Variants in SH3TC2 observed in about 807,000 individuals in gnomAD.
The protein encoded by SH3TC2 is SH3 domain and tetratricopeptide repeats 2, also known as SH3 domain and tetratricopeptide repeat-containing protein 2.
SH3TC2 carries 87 observed loss-of-function variants against 124.5 expected under a neutral mutation model. That is an observed-to-expected ratio of 0.70 (90% CI 0.59 to 0.84). SH3TC2 has a LOEUF of 0.84. Among genes scored for constraint, SH3TC2 ranks in the 40% least tolerant of loss-of-function variants. SH3TC2 has a pLI of 0.00. For missense variants in SH3TC2, 1,536 were observed against 1,566.4 expected, an observed-to-expected ratio of 0.98 and a Z score of 0.33; for synonymous variants, 634 against 628.5, an observed-to-expected ratio of 1.01 and a Z score of -0.13.
intron 12 of SH3TC2, among the ~76,000 whole-genome samples, chr5:149,014,511 C>G (rs1006677802): frequency 2.6e-5 from 4 of 152,214 alleles, no homozygotes; most frequent in African/African-American, 9.6e-5. Flanking sequence ...GGCCCGGATC[C>G]TTATTGGCAA....
chr5:149,049,746 G>A (rs577656770), intron 2 of SH3TC2, among the ~76,000 whole-genome samples: 1 of 151,278 alleles, frequency 6.6e-6, no homozygotes, highest in South Asian at 2.1e-4. Flanking sequence ...TCACACCACT[G>A]CACTCCAGCC....
In SH3TC2 at chr5:148,991,853, T is replaced by A. The variant is rs573227616; in HGVS notation, c.*12858A>T. Among the ~76,000 whole-genome samples the A allele has an allele frequency of 6.6e-5, 10 of 152,320 alleles. No individual in the cohort carries two copies. The highest frequency in any genetic ancestry group is 1.3e-4 in the Non-Finnish European group (9 of 68,022). Reference sequence around the variant, plus strand: ...TGGCAGATCATCACATGGGACTTTATCCATGGAGGTGAGCCTCCTCTTGCA... The same window carrying A: ...TGGCAGATCATCACATGGGACTTTAACCATGGAGGTGAGCCTCCTCTTGCA... On this transcript the variant is annotated 3_prime_UTR_variant, in exon 17 of 17. Coordinates refer to ENST00000515425, the MANE Select transcript of SH3TC2 (RefSeq NM_024577.4).
intron 12 of SH3TC2, among the ~76,000 whole-genome samples, chr5:149,014,623 T>C (rs1330239526): frequency 6.6e-6 from 1 of 152,188 alleles, no homozygotes; most frequent in African/African-American, 2.4e-5. Flanking sequence ...AACATGAGAT[T>C]TATTGACATC....
chr5:149,013,651 C>T (rs541664361), intron 12 of SH3TC2, among the ~76,000 whole-genome samples: 2 of 152,022 alleles, frequency 1.3e-5, no homozygotes, highest in African/African-American at 4.8e-5. Flanking sequence ...TAATGGGGTG[C>T]CCTTTAATTA....
At chr5:149,014,514 A>T (rs1283207610) in intron 12 of SH3TC2, among the ~76,000 whole-genome samples, 1 of 152,180 alleles carries the variant, frequency 6.6e-6, no homozygotes, top group African/African-American at 2.4e-5. Context: ...CCGGATCCTT[A>T]TTGGCAATGA....
Position 149,031,694 on chromosome 5 carries a change from C to T in SH3TC2, c.1002-7G>A, listed in dbSNP as rs752528409. 243 of 1,613,804 alleles carry T rather than the reference C, an allele frequency of 1.5e-4. No homozygotes were observed. Among genetic ancestry groups the T allele is most frequent in the South Asian group, 3.2e-4 (29 of 91,054 alleles). On this transcript the variant is annotated splice_region_variant and splice_polypyrimidine_tract_variant and intron_variant, in intron 8 of 16. Coordinates refer to ENST00000515425, the MANE Select transcript of SH3TC2 (RefSeq NM_024577.4). ...AAAGGCAGAGTTCCTGCTCCTGCAT[C>T]GGGGCAAAAAACACAGAGACAGATT...
In SH3TC2 at chr5:149,004,764, C is replaced by A; in HGVS notation, c.3814G>T (p.Gly1272Trp). 1 of 1,613,992 alleles carries A rather than the reference C, an allele frequency of 6.2e-7. No individual in the cohort carries two copies. Among genetic ancestry groups the A allele is most frequent in the Non-Finnish European group, 8.5e-7 (1 of 1,180,016 alleles). ...CACCGCGCCCTCTCTGAGGAGCACC[C>A]GGAGGGCCTGCTGTGCCACAGGGGG... ...QSPLWHSRPS[G>W]CSSERARWLS... is the part of the protein sequence containing the mutation. Residue 1272 changes from glycine (G) to tryptophan (W), a missense_variant, in exon 17 of 17, where the codon GGG becomes TGG. Transcript: ENST00000515425.
At position 149,032,885 on chromosome 5, in the gene SH3TC2, G is replaced by A. The variant is rs187741963; in HGVS notation, c.1002-1198C>T. Among the ~76,000 whole-genome samples, 454 of 152,098 alleles carry A rather than the reference G, an allele frequency of 3.0e-3. 2 individuals are homozygous for A. The highest frequency in any genetic ancestry group is 0.011 in the African/African-American group (437 of 41,482). On this transcript the variant is annotated intron_variant, in intron 8 of 16. Coordinates refer to ENST00000515425, the MANE Select transcript of SH3TC2 (RefSeq NM_024577.4). ...GGGCCCCCATCTCCCTGGGCTGATC[G>A]CCAGATTCCCCCCAACACCACGGAA...
intron 12 of SH3TC2, among the ~76,000 whole-genome samples, chr5:149,013,214 T>C (rs187563061): frequency 1.3e-5 from 2 of 152,236 alleles, no homozygotes; most frequent in East Asian, 3.9e-4. Flanking sequence ...TCCCCATATG[T>C]CGTGGGAGGG....
At chr5:149,017,608 T>A (rs901673916) in intron 12 of SH3TC2, among the ~76,000 whole-genome samples, 1 of 152,096 alleles carries the variant, frequency 6.6e-6, no homozygotes, top group Non-Finnish European at 1.5e-5. Flanking sequence ...AAAGGCAGCA[T>A]AAGATCATAA....
At position 148,982,833 on chromosome 5, in the gene SH3TC2, G is replaced by A. The variant is rs1003850273; in HGVS notation, c.*21878C>T. On this transcript the variant is annotated 3_prime_UTR_variant, in exon 17 of 17. Transcript: ENST00000515425. ...TGGGAATCATGAGAATTCATTATTT[G>A]TTCATATAGATTACTTAAAAATACT... is the stretch of plus-strand genomic sequence containing the variant. 1.3e-5 allele frequency among the ~76,000 whole-genome samples: 2 copies of A among 152,164 alleles called. No homozygotes were observed. The highest frequency in any genetic ancestry group is 4.8e-5 in the African/African-American group (2 of 41,438).
chr5:149,043,315 C>T (rs1049153315), intron 4 of SH3TC2, among the ~76,000 whole-genome samples: 1 of 152,168 alleles, frequency 6.6e-6, no homozygotes, highest in Non-Finnish European at 1.5e-5. Flanking sequence ...CACCCACCAG[C>T]TCTGACCCTG....
chr5:149,060,658 T>C (rs980518414), intron 1 of SH3TC2, among the ~76,000 whole-genome samples: 21 of 152,244 alleles, frequency 1.4e-4, no homozygotes, highest in Middle Eastern at 3.4e-3. Context: ...GAAACATAAG[T>C]ACAGACTTCT....
At chr5:149,018,223 T>C (rs1056450754) in intron 12 of SH3TC2, among the ~76,000 whole-genome samples, 1 of 152,166 alleles carries the variant, frequency 6.6e-6, no homozygotes, top group South Asian at 2.1e-4. Flanking sequence ...AAGGCTATTA[T>C]GGCCATAATT....
Position 149,052,158 on chromosome 5 carries a change from T to C in SH3TC2, c.135A>G (p.Pro45=), listed in dbSNP as rs773873890. 5 of 1,611,696 alleles carry C rather than the reference T, an allele frequency of 3.1e-6. No homozygotes were observed. In the South Asian group the frequency reaches 3.3e-5, roughly 11 times the overall value. Residue 45 remains proline, a synonymous_variant, in exon 2 of 17, where the codon CCA becomes CCG. Coordinates refer to ENST00000515425, the MANE Select transcript of SH3TC2 (RefSeq NM_024577.4). ...SSEYKEKCFL[P]QNINPDLTLS... is the part of the protein sequence containing the mutation. ...TTTGGATACCTGGATTAATGTTCTG[T>C]GGCAGAAAACATTTTTCCTTGTATT... is the stretch of plus-strand genomic sequence containing the variant.
At position 148,988,149 on chromosome 5, in the gene SH3TC2, C is replaced by A. The variant is rs369963209; in HGVS notation, c.*16562G>T. On this transcript the variant is annotated 3_prime_UTR_variant, in exon 17 of 17. Coordinates refer to ENST00000515425, the MANE Select transcript of SH3TC2 (RefSeq NM_024577.4). ...GTAATAAAAACTCTATGCACACAGG[C>A]TAGAAGTTGAGTGGTGGAAGATTCA... is the stretch of plus-strand genomic sequence containing the variant. Among the ~76,000 whole-genome samples, 11 of 152,208 alleles carry A rather than the reference C, an allele frequency of 7.2e-5. 1 individual carries two copies. Among genetic ancestry groups the A allele is most frequent in the African/African-American group, 2.6e-4 (11 of 41,512 alleles).
In SH3TC2 at chr5:149,028,028, C is replaced by T. The variant is rs1038963440; in HGVS notation, c.1704G>A (p.Val568=). 2 of 1,614,126 alleles carry T rather than the reference C, an allele frequency of 1.2e-6. No individual in the cohort carries two copies. Among genetic ancestry groups the T allele is most frequent in the Non-Finnish European group, 1.7e-6 (2 of 1,180,036 alleles). The change falls in exon 11 of 17, where the codon GTG becomes GTA. Residue 568 remains valine, a synonymous_variant. Coordinates refer to ENST00000515425, the MANE Select transcript of SH3TC2 (RefSeq NM_024577.4). ...LNGAFEDLSL[V]ATLYINLAAI... is the part of the protein sequence containing the mutation. Reference sequence around the variant, plus strand: ...CAGCCAAATTGATGTACAGAGTGGCCACCAAGGATAGGTCCTCAAATGCTC... The same window carrying T: ...CAGCCAAATTGATGTACAGAGTGGCTACCAAGGATAGGTCCTCAAATGCTC...
At chr5:149,022,143 T>C (rs186814651) in intron 12 of SH3TC2, among the ~76,000 whole-genome samples, 6 of 152,212 alleles carry the variant, frequency 3.9e-5, no homozygotes, top group Admixed American at 6.5e-5. Context: ...GTAAATCATA[T>C]ATCTGATAAG....
rs968535895 is a variant in SH3TC2, at chr5:148,991,170, T to C, written c.*13541A>G. ...AAAAGACCAATAACTACACATGGGG[T>C]AGAAATTAACATATGTAGAGGACTT... On this transcript the variant is annotated 3_prime_UTR_variant, in exon 17 of 17. Transcript: ENST00000515425. Among the ~76,000 whole-genome samples, 7 of 152,122 alleles carry C rather than the reference T, an allele frequency of 4.6e-5. No homozygotes were observed. Among genetic ancestry groups the C allele is most frequent in the Non-Finnish European group, 1.0e-4 (7 of 68,032 alleles).
Sources: gnomAD v4.1 joint callset for allele counts (sites outside exome capture counted in the v4.1 genomes callset) on GRCh38, gnomAD v4.1.1 for gene constraint, MANE v1.5 for transcripts, NCBI Gene and HGNC (gene_info 2026-07-23, HGNC 2026-07-21) for gene names.